The following CAMK1 variants were observed in gnomAD, a reference collection of about 807,000 sequenced individuals.
CAMK1 encodes calcium/calmodulin-dependent protein kinase type 1.
Under a neutral mutation model 49.1 loss-of-function variants are expected in CAMK1, and 39 were observed. The ratio of observed to expected loss-of-function variants is 0.79; its 90% CI spans 0.62 to 1.04. The LOEUF (loss-of-function observed/expected upper bound fraction) is 1.04. CAMK1 is among the 50% of genes least tolerant of loss of function. The pLI, the probability that CAMK1 is intolerant of heterozygous loss-of-function variation, is 0.00. For missense variants in CAMK1, 457 were observed against 472.2 expected (o/e 0.97, Z 0.30); for synonymous variants, 192 against 185.2 (o/e 1.04, Z -0.30).
chr3:9,759,296 C>G, intron 10 of CAMK1, 192 bp downstream of exon 10: 4 of 1,605,080 alleles, frequency 2.5e-6, no homozygotes, highest in Non-Finnish European at 3.4e-6. Flanking sequence ...GGTGAGGGAC[C>G]CTCTCTGGAA....
chr3:9,769,575 G>A (rs904626969), intron 1 of CAMK1, among the ~76,000 whole-genome samples: 2 of 151,930 alleles, frequency 1.3e-5, no homozygotes, highest in Non-Finnish European at 2.9e-5. Context: ...AAATGCCCAC[G>A]CCCTTCCAGT....
In CAMK1 at chr3:9,765,755, G is replaced by A. The variant is rs750975786; in HGVS notation, c.215+4C>T. The A allele has an allele frequency of 6.8e-6, 11 of 1,613,648 alleles. No individual in the cohort carries two copies. Among genetic ancestry groups the A allele is most frequent in the Middle Eastern group, 3.3e-4 (2 of 6,034 alleles). On this transcript the variant is annotated splice_donor_region_variant and intron_variant, in intron 3 of 11. Transcript: ENST00000256460. The stretch of plus-strand genomic sequence containing the variant: ...GGGGCAGGGAAAGGCTGTGGCCCAC[G>A]CACTTGTGCAGGACAGCAATCTCAT...
In CAMK1 at chr3:9,765,891, C is replaced by T; in HGVS notation, c.84-1G>A. 1 of 1,614,162 alleles carries T rather than the reference C, an allele frequency of 6.2e-7. No individual in the cohort carries two copies. On this transcript the variant is annotated splice_acceptor_variant, in intron 2 of 11. Coordinates refer to ENST00000256460, the MANE Select transcript of CAMK1 (RefSeq NM_003656.5). LOFTEE classifies it high-confidence loss of function. ...CAGGATCACCTCCGAGAAGGCCCCC[C>T]TATCGGGAGAGGGGATTCACAAGGT...
At chr3:9,764,616 TG>T (rs376456227) in intron 3 of CAMK1, among the ~76,000 whole-genome samples, 14,011 of 129,330 alleles carry the variant, frequency 0.11, 1,568 homozygotes, top group East Asian at 0.3. Context: ...CTGGCGTTTT[TG>T]TTTTTTTTTT....
chr3:9,767,846 G>T (rs964296883), intron 1 of CAMK1, 65 bp from the exon 2 acceptor site: 79 of 1,540,912 alleles, frequency 5.1e-5, no homozygotes, highest in Middle Eastern at 1.8e-4. Flanking sequence ...ATTTACTGCA[G>T]GCCCCATTCA....
In CAMK1 at chr3:9,757,508, C is replaced by T. The variant is rs1266306814; in HGVS notation, c.*31G>A. The T allele has an allele frequency of 1.2e-5, 19 of 1,606,742 alleles. No individual in the cohort carries two copies. Among genetic ancestry groups the T allele is most frequent in the East Asian group, 2.2e-5 (1 of 44,754 alleles). ...AGCAGGCTGCCCCCAAGCCCTCCCA[C>T]GCAGAGGATCATGACCCGAGGTCCA... is the stretch of plus-strand genomic sequence containing the variant. On this transcript the variant is annotated 3_prime_UTR_variant, in exon 12 of 12. Transcript: ENST00000256460. This position sits in a 1 kb window ranked among gnomAD's most constrained non-coding sequence, Gnocchi z 4.5.
intron 1 of CAMK1, among the ~76,000 whole-genome samples, chr3:9,769,244 G>GACAC (rs142285715): frequency 6.7e-6 from 1 of 149,984 alleles, no homozygotes; most frequent in African/African-American, 2.5e-5. Flanking sequence ...ATGACACCCA[G>GACAC]ACACACACAC....
intron 3 of CAMK1, among the ~76,000 whole-genome samples, chr3:9,763,623 C>T (rs780757314): frequency 9.2e-5 from 14 of 152,230 alleles, no homozygotes; most frequent in Non-Finnish European, 1.6e-4. Flanking sequence ...AAATCCTGCC[C>T]GTCACATGCT....
chr3:9,763,046 C>A lies in CAMK1; in HGVS notation c.297G>T (p.Ser99=), dbSNP rs765251028. 5.0e-6 allele frequency: 8 copies of A among 1,613,948 alleles called. No homozygotes were observed. The highest frequency in any genetic ancestry group is 6.8e-6 in the Non-Finnish European group (8 of 1,180,004). The change falls in exon 5 of 12, where the codon TCG becomes TCT. Residue 99 remains serine (S), a synonymous_variant. Coordinates refer to ENST00000256460, the MANE Select transcript of CAMK1 (RefSeq NM_003656.5). ...CAATACGGTCAAAGAGCTCCCCACCCGACACCCTGCAGCAGGGGATAGGGC... is the reference window on the plus strand; with the variant it reads ...CAATACGGTCAAAGAGCTCCCCACCAGACACCCTGCAGCAGGGGATAGGGC... ...GHLYLIMQLV[S]GGELFDRIVE...
chr3:9,758,997 A>C (rs2077719605), intron 10 of CAMK1: 1 of 614,922 alleles, frequency 1.6e-6, no homozygotes, highest in Admixed American at 2.6e-5. Context: ...TGCCCTCAGG[A>C]TCAAGTTGGT....
In CAMK1 at chr3:9,757,770, T is replaced by G; in HGVS notation, c.989A>C (p.Gln330Pro). 2 of 1,614,108 alleles carry G rather than the reference T, an allele frequency of 1.2e-6. No individual in the cohort carries two copies. The highest frequency in any genetic ancestry group is 1.7e-6 in the Non-Finnish European group (2 of 1,179,980). ...QLGTSQEGQG[Q>P]TASHGELLTP... ...CAGCAGCTCCCCATGGCTCGCCGTC[T>G]GCCCCTGCCCCTCCTGGCTGGTGCC... The change falls in exon 11 of 12, where the codon CAG becomes CCG. Residue 330 changes from glutamine (Q) to proline (P), a missense_variant. Gln to Pro is a moderately conservative substitution (Grantham distance 76). Transcript: ENST00000256460. The surrounding 1 kb of genome is among the most constrained non-coding windows in gnomAD (Gnocchi z 4.5).
intron 2 of CAMK1, chr3:9,766,674 C>A: frequency 9.8e-7 from 1 of 1,020,462 alleles, no homozygotes; most frequent in Non-Finnish European, 1.2e-6. Context: ...AGAGGATTTG[C>A]TAGGGTATTC....
chr3:9,759,966 G>T (rs2077772423), intron 8 of CAMK1: 1 of 603,246 alleles, frequency 1.7e-6, no homozygotes, highest in Admixed American at 3.0e-5. Flanking sequence ...CATATGGCCG[G>T]GCACAGTGGC....
chr3:9,762,867 GCCCCACC>G, intron 5 of CAMK1, 40 bp downstream of exon 5: 1 of 1,595,456 alleles, frequency 6.3e-7, no homozygotes, highest in Non-Finnish European at 8.6e-7. Context: ...GTTTGCAAAG[GCCCCACC>G]CCTGGGTACC....
intron 1 of CAMK1, among the ~76,000 whole-genome samples, chr3:9,769,039 C>G (rs1009837003): frequency 6.6e-6 from 1 of 152,002 alleles, no homozygotes; most frequent in African/African-American, 2.4e-5. Flanking sequence ...ACACCTGCCT[C>G]CCAGATCCAG....
Position 9,759,716 on chromosome 3 carries a change from G to C in CAMK1, c.780C>G (p.Asp260Glu). 6.2e-7 allele frequency: 1 copy of C among 1,614,086 alleles called. No individual in the cohort carries two copies. Among genetic ancestry groups the C allele is most frequent in the Non-Finnish European group, 8.5e-7 (1 of 1,180,012 alleles). The change falls in exon 9 of 12, where the codon GAC becomes GAG. Residue 260 changes from aspartate to glutamate, a missense_variant. Physicochemically the swap from Asp to Glu is conservative, Grantham distance 45. Transcript: ENST00000256460. ...KDFIRHLMEKDPEKRFTCEQA... is the reference protein window; with the variant it reads ...KDFIRHLMEKEPEKRFTCEQA... ...GCTCACAGGTGAATCTTTTCTCTGG[G>C]TCCTTCTCCATCAAGTGCCGGATGA...
In CAMK1 at chr3:9,767,835, A is replaced by G; in HGVS notation, c.-32-54T>C. 3.2e-6 allele frequency: 5 copies of G among 1,569,044 alleles called. No homozygotes were observed. The South Asian group carries it at 5.7e-5, about 18-fold the overall frequency. ...AGCAGAGCCCAGCCCTCTGTCTGGG[A>G]ATTTACTGCAGGCCCCATTCAGTCA... On this transcript the variant is annotated intron_variant, in intron 1 of 11. Transcript: ENST00000256460.
chr3:9,759,770 G>A lies in CAMK1; in HGVS notation c.746-20C>T. On this transcript the variant is annotated intron_variant, in intron 8 of 11. Transcript: ENST00000256460. The stretch of plus-strand genomic sequence containing the variant: ...CTTTGGCTAAACCCCCAAGACAAAA[G>A]CAAAGATAATGACAGCATGGTACTG... The A allele has an allele frequency of 6.2e-7, 1 of 1,614,092 alleles. No individual in the cohort carries two copies. Among genetic ancestry groups the A allele is most frequent in the Non-Finnish European group, 8.5e-7 (1 of 1,180,016 alleles).
intron 3 of CAMK1, among the ~76,000 whole-genome samples, chr3:9,765,125 G>A (rs1175287027): frequency 6.6e-6 from 1 of 151,694 alleles, no homozygotes; most frequent in Non-Finnish European, 1.5e-5. Context: ...TACTAGGGAG[G>A]CTGAAGCAAG....
Sources: gnomAD v4.1 joint callset for allele counts (sites outside exome capture counted in the v4.1 genomes callset) on GRCh38, gnomAD v4.1.1 for gene constraint, Gnocchi (gnomAD v3.1) non-coding constraint, MANE v1.5 for transcripts, NCBI Gene and HGNC (gene_info 2026-07-23, HGNC 2026-07-21) for gene names.